Variants in TRMT2B observed in about 807,000 individuals in gnomAD.
TRMT2B encodes tRNA (uracil-5-)-methyltransferase homolog B.
TRMT2B carries 34 observed loss-of-function variants against 39.7 expected under a neutral mutation model. The ratio of observed to expected loss-of-function variants is 0.86; its 90% CI spans 0.65 to 1.14. TRMT2B has a LOEUF of 1.14. TRMT2B is among the 50% of genes most tolerant of loss of function. TRMT2B has a pLI of 0.00. For synonymous variants in TRMT2B, 132 were observed against 137.3 expected (o/e 0.96, Z 0.27); for missense variants, 318 against 377.2 (o/e 0.84, Z 1.30).
chrX:101,046,360 T>C (rs1602690965), intron 2 of TRMT2B, among the ~76,000 whole-genome samples: 1 of 110,409 alleles, frequency 9.1e-6, no homozygotes, highest in African/African-American at 3.3e-5. Context: ...TAGTATCACA[T>C]CCATTAGGTC....
the TRMT2B span, chrX:100,973,624 G>A: frequency 8.9e-7 from 1 of 1,122,987 alleles, no homozygotes. Context: ...TAAAGGCTCA[G>A]TGTTTATAAC....
chrX:101,048,295 T>G (rs2088827063), intron 2 of TRMT2B, among the ~76,000 whole-genome samples: 1 of 111,056 alleles, frequency 9.0e-6, no homozygotes, highest in African/African-American at 3.3e-5. Flanking sequence ...CATGTGACAT[T>G]TGGGGGATTT....
At chrX:100,998,645 C>G in the TRMT2B span, among the ~76,000 whole-genome samples, 2 of 110,282 alleles carry the variant, frequency 1.8e-5, no homozygotes, top group Non-Finnish European at 3.8e-5. Context: ...GATTGTTTCA[C>G]TAATTGGTCA....
downstream of TRMT2B, among the ~76,000 whole-genome samples, chrX:101,005,574 T>C (rs1304200850): frequency 4.2e-5 from 1 of 23,937 alleles, no homozygotes; most frequent in African/African-American, 5.5e-4. Flanking sequence ...TTCAGCTGCC[T>C]TTTTTTTTTT....
At chrX:101,005,698 G>A (rs1221692563), downstream of TRMT2B, among the ~76,000 whole-genome samples, 1 of 105,049 alleles carries the variant, frequency 9.5e-6, no homozygotes, top group African/African-American at 3.5e-5. Context: ...CTAACATGGT[G>A]AAACCCCATC....
intron 5 of TRMT2B, 117 bp downstream of exon 5, chrX:101,037,800 T>G: frequency 1.4e-6 from 1 of 727,702 alleles, no homozygotes. Flanking sequence ...GTGACAATGA[T>G]GCATGATAAT....
chrX:101,041,261 G>A (rs2088219425), intron 4 of TRMT2B, 56 bp downstream of exon 4: 4 of 1,048,205 alleles, frequency 3.8e-6, no homozygotes, highest in African/African-American at 3.7e-5. Context: ...AGCTTCCTAC[G>A]AGTCCAGCAC....
At chrX:101,019,427 C>T in intron 11 of TRMT2B, 24 bp from the exon 12 acceptor site, 3 of 1,209,176 alleles carry the variant, frequency 2.5e-6, no homozygotes, top group African/African-American at 1.7e-5. Context: ...GCCCACAGGA[C>T]ATAACTCAAG....
intron 2 of TRMT2B, among the ~76,000 whole-genome samples, chrX:101,044,732 C>A (rs1438214215): frequency 9.5e-6 from 1 of 105,251 alleles, no homozygotes; most frequent in Non-Finnish European, 1.9e-5. Context: ...CCCAGCTACT[C>A]GGTAGGCTGA....
chrX:101,016,642 G>GTTTT (rs397827366), intron 13 of TRMT2B, among the ~76,000 whole-genome samples: 50 of 57,585 alleles, frequency 8.7e-4, no homozygotes, highest in African/African-American at 1.7e-3. Flanking sequence ...AATTTTCGTG[G>GTTTT]TTTTTTTTTT....
chrX:101,018,089 C>T (rs2086610923), intron 13 of TRMT2B, among the ~76,000 whole-genome samples: 1 of 110,882 alleles, frequency 9.0e-6, no homozygotes, highest in Non-Finnish European at 1.9e-5. Context: ...AAAAATTAGC[C>T]AGGCACTTTG....
At chrX:101,045,547 A>G (rs2088600524) in intron 2 of TRMT2B, among the ~76,000 whole-genome samples, 1 of 109,626 alleles carries the variant, frequency 9.1e-6, no homozygotes, top group Non-Finnish European at 1.9e-5. Flanking sequence ...AGGCAGGCAG[A>G]TCACCTGAGG....
downstream of TRMT2B, among the ~76,000 whole-genome samples, chrX:101,006,590 T>C (rs964230764): frequency 4.5e-5 from 5 of 110,047 alleles, no homozygotes; most frequent in African/African-American, 1.7e-4. Flanking sequence ...ATTGCTTGAG[T>C]CCAGGAGTTT....
the TRMT2B span, among the ~76,000 whole-genome samples, chrX:100,983,415 G>A: frequency 5.4e-5 from 6 of 110,142 alleles, no homozygotes; most frequent in Non-Finnish European, 1.1e-4. Flanking sequence ...GAAGTGCAAT[G>A]GTGAGACCTC....
intron 7 of TRMT2B, among the ~76,000 whole-genome samples, chrX:101,025,462 T>A (rs2087017630): frequency 9.0e-6 from 1 of 111,496 alleles, no homozygotes; most frequent in South Asian, 3.7e-4. Flanking sequence ...TTTGTTCTCA[T>A]AATGCATGTG....
chrX:100,991,273 T>C, the TRMT2B span, among the ~76,000 whole-genome samples: 1 of 112,170 alleles, frequency 8.9e-6, no homozygotes, highest in East Asian at 2.8e-4. Context: ...TTTTGGATTT[T>C]GGATTTTCAC....
downstream of TRMT2B, among the ~76,000 whole-genome samples, chrX:101,007,598 G>C (rs1173365879): frequency 1.8e-5 from 2 of 111,707 alleles, no homozygotes; most frequent in Non-Finnish European, 3.8e-5. Flanking sequence ...AGAGGTTGCA[G>C]TGAGCTGAGA....
chrX:100,975,516 T>A, the TRMT2B span, among the ~76,000 whole-genome samples: 1 of 111,821 alleles, frequency 8.9e-6, no homozygotes, highest in Non-Finnish European at 1.9e-5. Flanking sequence ...CCTCTCTGTA[T>A]CTTTAGCCTG....
At chrX:100,974,356 ATCTCTCTCTGTC>A in the TRMT2B span, among the ~76,000 whole-genome samples, 6 of 101,039 alleles carry the variant, frequency 5.9e-5, no homozygotes, top group East Asian at 2.0e-3. Context: ...CACATACTCT[ATCTCTCTCTGTC>A]TCTCTCTCTC....
Sources: allele counts gnomAD v4.1 joint callset (sites outside exome capture counted in the v4.1 genomes callset), GRCh38; gene constraint gnomAD v4.1.1; transcripts MANE v1.5; gene names NCBI Gene and HGNC (gene_info 2026-07-23, HGNC 2026-07-21).